Variants in CUX1 observed in about 807,000 individuals in gnomAD.
The protein encoded by CUX1 is cut like homeobox 1, also known as protein CASP.
CUX1 carries 31 observed loss-of-function variants against 158.8 expected under a neutral mutation model. The ratio of observed to expected loss-of-function variants is 0.20; its 90% CI spans 0.15 to 0.26. CUX1 has a LOEUF of 0.26. Among genes scored for constraint, CUX1 ranks in the 10% least tolerant of loss-of-function variants. The pLI is 1.00. For synonymous variants in CUX1, 879 were observed against 862.1 expected (o/e 1.02, Z -0.34); for missense variants, 1,589 against 2,014.6 (o/e 0.79, Z 4.04).
chr7:102,074,602 A>G (rs903965564), intron 4 of CUX1, among the ~76,000 whole-genome samples: 3 of 152,148 alleles, frequency 2.0e-5, no homozygotes, highest in Non-Finnish European at 2.9e-5. Flanking sequence ...GAAGGAGTCA[A>G]TGGACCCAAA....
chr7:101,994,307 C>T (rs1373882262), intron 2 of CUX1, among the ~76,000 whole-genome samples: 1 of 152,190 alleles, frequency 6.6e-6, no homozygotes, highest in Non-Finnish European at 1.5e-5. Context: ...TTTAACTAGA[C>T]TAAGAAGATT....
At chr7:102,053,482 A>G (rs1226560332) in intron 3 of CUX1, among the ~76,000 whole-genome samples, 1 of 152,136 alleles carries the variant, frequency 6.6e-6, no homozygotes, top group Non-Finnish European at 1.5e-5. Context: ...TAAATGTACA[A>G]TTAAGTTATT....
chr7:102,240,164 C>G (rs782390299), intron 23 of CUX1, among the ~76,000 whole-genome samples: 1 of 152,178 alleles, frequency 6.6e-6, no homozygotes, highest in Admixed American at 6.5e-5. Flanking sequence ...AGAAAATCAC[C>G]TCTCGATTAC....
chr7:102,024,604 G>C (rs1283723442), intron 2 of CUX1, among the ~76,000 whole-genome samples: 2 of 152,152 alleles, frequency 1.3e-5, no homozygotes, highest in African/African-American at 4.8e-5. Context: ...TGGGATTACA[G>C]GTGTGAGCCA....
At chr7:102,143,213 C>T (rs1834651082) in intron 8 of CUX1, among the ~76,000 whole-genome samples, 1 of 152,202 alleles carries the variant, frequency 6.6e-6, no homozygotes, top group South Asian at 2.1e-4. Flanking sequence ...TCAGATGGTA[C>T]TTGGGGGGTT....
chr7:101,981,125 A>G (rs1311784726), intron 2 of CUX1, among the ~76,000 whole-genome samples: 1 of 152,042 alleles, frequency 6.6e-6, no homozygotes, highest in Non-Finnish European at 1.5e-5. Context: ...TAGCTCCTGA[A>G]CAGGGAGAGG....
chr7:101,882,347 C>T (rs1478116077), intron 1 of CUX1, among the ~76,000 whole-genome samples: 3 of 152,192 alleles, frequency 2.0e-5, no homozygotes, highest in Non-Finnish European at 4.4e-5. Flanking sequence ...ATAGGATCAT[C>T]TCAGAGTCAC....
chr7:101,934,159 A>G (rs1253146336), intron 2 of CUX1, among the ~76,000 whole-genome samples: 1 of 152,212 alleles, frequency 6.6e-6, no homozygotes, highest in East Asian at 1.9e-4. Context: ...TGTGAACAGA[A>G]ATTCAGAATT....
chr7:101,920,236 C>T (rs1418097901), intron 2 of CUX1, among the ~76,000 whole-genome samples: 1 of 151,908 alleles, frequency 6.6e-6, no homozygotes, highest in Non-Finnish European at 1.5e-5. Flanking sequence ...GTTCTTCTGC[C>T]TCAGCCTCCC....
At chr7:101,853,501 G>C (rs1355662357) in intron 1 of CUX1, among the ~76,000 whole-genome samples, 2 of 151,770 alleles carry the variant, frequency 1.3e-5, no homozygotes, top group African/African-American at 4.8e-5. Flanking sequence ...TTCCCTCTTT[G>C]TTTTGGTCCC....
chr7:102,113,176 G>A (rs889525187), intron 7 of CUX1, among the ~76,000 whole-genome samples: 5 of 152,138 alleles, frequency 3.3e-5, no homozygotes, highest in Non-Finnish European at 4.4e-5. Context: ...TTACAGTCAG[G>A]GAGATGCAGA....
At chr7:101,856,650 G>A (rs139141690) in intron 1 of CUX1, among the ~76,000 whole-genome samples, 330 of 152,298 alleles carry the variant, frequency 2.2e-3, no homozygotes, top group Non-Finnish European at 4.2e-3. Context: ...ACTAGAGCAA[G>A]TCCAACTCTT....
At chr7:101,929,376 G>C (rs1806032192) in intron 2 of CUX1, among the ~76,000 whole-genome samples, 1 of 152,072 alleles carries the variant, frequency 6.6e-6, no homozygotes. Flanking sequence ...TTTGCTGCTG[G>C]ACTTTCTTTT....
At chr7:102,260,000 T>G (rs1554543320), downstream of CUX1, among the ~76,000 whole-genome samples, 1 of 147,922 alleles carries the variant, frequency 6.8e-6, no homozygotes, top group Non-Finnish European at 1.5e-5. Context: ...GAGGCTGAGG[T>G]GGGAGGATCA....
At chr7:102,050,882 T>G (rs1015428985) in intron 3 of CUX1, among the ~76,000 whole-genome samples, 3 of 151,920 alleles carry the variant, frequency 2.0e-5, no homozygotes, top group African/African-American at 7.3e-5. Context: ...CCCTGTGAAT[T>G]CTATTTCCCT....
chr7:102,155,549 G>C (rs1251357807), intron 8 of CUX1, among the ~76,000 whole-genome samples: 4 of 142,968 alleles, frequency 2.8e-5, no homozygotes, highest in Non-Finnish European at 6.1e-5. Context: ...GTCTCAAAAA[G>C]AAAAAAAAAA....
intron 2 of CUX1, among the ~76,000 whole-genome samples, chr7:101,990,557 A>G (rs1282770475): frequency 6.6e-6 from 1 of 152,212 alleles, no homozygotes. Context: ...CTGTATTTTT[A>G]GTAGAGATGG....
chr7:101,839,768 T>C (rs891527043), intron 1 of CUX1, among the ~76,000 whole-genome samples: 2 of 152,254 alleles, frequency 1.3e-5, no homozygotes, highest in African/African-American at 2.4e-5. Context: ...TTCTTTCTTT[T>C]TTTTGTTTTT....
chr7:102,075,787 C>G (rs1196833203), intron 4 of CUX1, among the ~76,000 whole-genome samples: 1 of 152,144 alleles, frequency 6.6e-6, no homozygotes. Flanking sequence ...TCTCATTTTA[C>G]TTTGTTGTCA....
Sources: gnomAD v4.1 joint callset for allele counts (sites outside exome capture counted in the v4.1 genomes callset) on GRCh38, gnomAD v4.1.1 for gene constraint, MANE v1.5 for transcripts, NCBI Gene and HGNC (gene_info 2026-07-23, HGNC 2026-07-21) for gene names.